The following NOXRED1 variants were observed in gnomAD, a reference collection of about 807,000 sequenced individuals.
The protein encoded by NOXRED1 is NADP dependent oxidoreductase domain containing 1.
In NOXRED1, 20 loss-of-function variants were observed where a neutral mutation model predicts 30.4. The ratio of observed to expected loss-of-function variants is 0.66; its 90% CI spans 0.46 to 0.96. The LOEUF is 0.96. Ranked by LOEUF, NOXRED1 falls within the 40% of genes least tolerant of loss-of-function variation. The probability of loss-of-function intolerance (pLI) is 0.00; values close to 1 mark genes in which losing one functional copy is unlikely to be tolerated. For synonymous variants in NOXRED1, 155 were observed against 168.0 expected (o/e 0.92, Z 0.60); for missense variants, 374 against 428.0 (o/e 0.87, Z 1.11).
chr14:77,398,698 C>T (rs1894247928), intron 5 of NOXRED1, among the ~76,000 whole-genome samples: 2 of 152,150 alleles, frequency 1.3e-5, no homozygotes, highest in Non-Finnish European at 1.5e-5. Context: ...AGGCCGGGTG[C>T]GATGGCTCAT....
intron 1 of NOXRED1, among the ~76,000 whole-genome samples, chr14:77,419,727 C>T (rs567303728): frequency 2.3e-4 from 35 of 151,800 alleles, no homozygotes; most frequent in Non-Finnish European, 4.4e-4. Context: ...GGATTACAGG[C>T]GTGAGCCACC....
At chr14:77,394,991 T>C (rs1355363206) in intron 5 of NOXRED1, among the ~76,000 whole-genome samples, 186 bp from the exon 6 acceptor site, 1 of 151,530 alleles carries the variant, frequency 6.6e-6, no homozygotes, top group African/African-American at 2.4e-5. Context: ...TACTTAATGG[T>C]GATTTCTCAC....
At chr14:77,425,956 T>C (rs915825244), upstream of NOXRED1, among the ~76,000 whole-genome samples, 3 of 152,220 alleles carry the variant, frequency 2.0e-5, no homozygotes. Context: ...CTGGGTGTGG[T>C]GGCACGTGCC....
intron 5 of NOXRED1, among the ~76,000 whole-genome samples, chr14:77,403,896 C>T (rs1160742074): frequency 2.6e-5 from 4 of 152,036 alleles, no homozygotes; most frequent in South Asian, 4.1e-4. Context: ...TGAAGCAATG[C>T]CTCAAAATTC....
intron 5 of NOXRED1, among the ~76,000 whole-genome samples, chr14:77,396,062 A>G (rs1894169738): frequency 6.6e-6 from 1 of 151,640 alleles, no homozygotes; most frequent in South Asian, 2.1e-4. Context: ...TAAAAAAAAA[A>G]TCAAGAGTAA....
At chr14:77,415,131 G>A (rs1368191281) in intron 1 of NOXRED1, among the ~76,000 whole-genome samples, 2 of 151,970 alleles carry the variant, frequency 1.3e-5, no homozygotes, top group Non-Finnish European at 2.9e-5. Context: ...AGCTGTGCTC[G>A]TGCCACTGTA....
chr14:77,417,085 AT>A (rs1894848691), intron 1 of NOXRED1, among the ~76,000 whole-genome samples: 1 of 150,758 alleles, frequency 6.6e-6, no homozygotes, highest in Non-Finnish European at 1.5e-5. Context: ...ACTTCCACAT[AT>A]TTGTGAACTT....
intron 4 of NOXRED1, chr14:77,406,360 G>A: frequency 1.7e-6 from 1 of 597,904 alleles, no homozygotes; most frequent in East Asian, 2.8e-5. Context: ...TACAACTAAT[G>A]TAGACATTGC....
At chr14:77,425,648 C>T (rs2139711895), upstream of NOXRED1, among the ~76,000 whole-genome samples, 1 of 152,354 alleles carries the variant, frequency 6.6e-6, no homozygotes, top group Admixed American at 6.5e-5. Context: ...TTTCTCAACA[C>T]TGGTGTTGCT....
chr14:77,422,941 G>A lies in NOXRED1; in HGVS notation c.-52C>T. 2 of 1,512,344 alleles carry A rather than the reference G, an allele frequency of 1.3e-6. No homozygotes were observed. The highest frequency in any genetic ancestry group is 9.0e-7 in the Non-Finnish European group (1 of 1,105,242). 93.7% of individuals were successfully genotyped at this position (1,512,344 alleles called of 1,614,324 possible). ...TAGACACTAATCAATTTGGCTCCCT[G>A]TCCCGGTAGAAGAGGGGTCTATGTA... is the stretch of plus-strand genomic sequence containing the variant. On this transcript the variant is annotated 5_prime_UTR_variant, in exon 1 of 6. Transcript: ENST00000380835.
At chr14:77,395,109 CT>C (rs35389923) in intron 5 of NOXRED1, among the ~76,000 whole-genome samples, 178 of 137,574 alleles carry the variant, frequency 1.3e-3, no homozygotes, top group African/African-American at 2.2e-3. Context: ...TTTTTTCTTT[CT>C]TTTTTTTTTT....
rs1244249301 is a variant in NOXRED1, at chr14:77,406,630, CACACAGAGAGAG to C, written c.682+82_682+93del. ...ACACACACACACACACACACACACA[CACACAGAGAGAG>C]AGAGATTGATTTAATAAGATAGCAA... On this transcript the variant is annotated intron_variant, in intron 4 of 5. Transcript: ENST00000380835. 2.2e-5 allele frequency: 9 copies of C among 400,948 alleles called. No individual in the cohort carries two copies. In the African/African-American group the frequency reaches 2.7e-4, roughly 12 times the overall value. 24.8% of individuals were successfully genotyped at this position (400,948 alleles called of 1,614,324 possible). A position where few individuals can be genotyped will look rare whatever the true frequency, so the allele number is the denominator to read the frequency against.
At position 77,408,769 on chromosome 14, in the gene NOXRED1, G is replaced by T. The variant is rs575802488; in HGVS notation, c.350-1124C>A. Among the ~76,000 whole-genome samples the T allele has an allele frequency of 5.3e-5, 8 of 152,076 alleles. No homozygotes were observed. The South Asian group carries it at 8.3e-4, about 16-fold the overall frequency. On this transcript the variant is annotated intron_variant, in intron 2 of 5. Coordinates refer to ENST00000380835, the MANE Select transcript of NOXRED1 (RefSeq NM_001113475.3). The stretch of plus-strand genomic sequence containing the variant: ...GTGGAAGGTATAAATCAGAGGCTGA[G>T]AAGGGTTTGCAAAGATTTAACAGTT...
At chr14:77,422,667 T>A in intron 1 of NOXRED1, 68 bp downstream of exon 1, 6 of 1,514,050 alleles carry the variant, frequency 4.0e-6, no homozygotes, top group Middle Eastern at 1.7e-4. Flanking sequence ...ATAAAAAAAA[T>A]TTAAGACATT....
chr14:77,394,906 C>A, intron 5 of NOXRED1, 101 bp from the exon 6 acceptor site: 1 of 745,846 alleles, frequency 1.3e-6, no homozygotes, highest in Non-Finnish European at 2.2e-6. Context: ...ATTACCTTTT[C>A]ATAAACTAGA....
chr14:77,415,216 A>T (rs1894779726), intron 1 of NOXRED1, among the ~76,000 whole-genome samples: 1 of 133,836 alleles, frequency 7.5e-6, no homozygotes, highest in South Asian at 2.4e-4. Context: ...ACACACACAC[A>T]CACCATGAAC....
Position 77,394,537 on chromosome 14 carries a change from G to A in NOXRED1, c.*94C>T. 1 of 881,936 alleles carries A rather than the reference G, an allele frequency of 1.1e-6. No individual in the cohort carries two copies. The highest frequency in any genetic ancestry group is 2.2e-5 in the Admixed American group (1 of 44,836). The allele number at this position is 881,936 out of a possible 1,614,324, so 54.6% of individuals were successfully genotyped here. A position where few individuals can be genotyped will look rare whatever the true frequency, so the allele number is the denominator to read the frequency against. ...TCTATCATGTGGCAAACACAATACA[G>A]CCACAAGACTCCCACAGTCAATTGT... On this transcript the variant is annotated 3_prime_UTR_variant, in exon 6 of 6. Transcript: ENST00000380835.
At chr14:77,409,862 G>A (rs534558051) in intron 2 of NOXRED1, among the ~76,000 whole-genome samples, 204 of 150,300 alleles carry the variant, frequency 1.4e-3, no homozygotes, top group Non-Finnish European at 2.3e-3. Context: ...AGGCTGGAGT[G>A]CGTGGTACAA....
intron 5 of NOXRED1, among the ~76,000 whole-genome samples, chr14:77,400,499 A>G (rs1319029896): frequency 1.3e-5 from 2 of 152,218 alleles, no homozygotes; most frequent in Non-Finnish European, 2.9e-5. Context: ...TTTTAGGAAT[A>G]CAGGAGACAT....
Sources: gnomAD v4.1 joint callset for allele counts (sites outside exome capture counted in the v4.1 genomes callset) on GRCh38, gnomAD v4.1.1 for gene constraint, MANE v1.5 for transcripts, NCBI Gene and HGNC (gene_info 2026-07-23, HGNC 2026-07-21) for gene names.